HLCS: variants seen among roughly 807,000 people sequenced by gnomAD.
HLCS encodes biotin--protein ligase.
In HLCS, 53 loss-of-function variants were observed where a neutral mutation model predicts 75.0. That is an observed-to-expected ratio of 0.71 (90% confidence interval 0.57 to 0.89). The LOEUF is 0.89. HLCS is among the 40% of genes least tolerant of loss of function. HLCS has a pLI of 0.00. For synonymous variants in HLCS, 431 were observed against 428.6 expected, an observed-to-expected ratio of 1.01 and a Z score of -0.07; for missense variants, 966 against 1,074.0, an observed-to-expected ratio of 0.90 and a Z score of 1.41.
At chr21:36,977,493 C>G (rs1021049649) in intron 1 of HLCS, among the ~76,000 whole-genome samples, 3 of 152,198 alleles carry the variant, frequency 2.0e-5, no homozygotes, top group Non-Finnish European at 4.4e-5. Flanking sequence ...ACAAATGTTT[C>G]ACTTTTAAAG....
At chr21:36,781,041 C>T (rs910983241) in intron 6 of HLCS, among the ~76,000 whole-genome samples, 49 of 151,082 alleles carry the variant, frequency 3.2e-4, no homozygotes, top group Non-Finnish European at 3.1e-4. Context: ...CCACAGCTCA[C>T]GTTACCACCT....
At chr21:36,792,551 G>C (rs1274104728) in intron 6 of HLCS, among the ~76,000 whole-genome samples, 1 of 152,224 alleles carries the variant, frequency 6.6e-6, no homozygotes, top group Admixed American at 6.5e-5. Flanking sequence ...ATTGTGCTAC[G>C]TCAGTCCAGA....
chr21:36,978,707 G>C (rs774174962), intron 1 of HLCS, among the ~76,000 whole-genome samples: 2 of 152,062 alleles, frequency 1.3e-5, no homozygotes, highest in Non-Finnish European at 2.9e-5. Flanking sequence ...CTGAAGGGTC[G>C]GGAGACCCTT....
chr21:36,933,665 C>T (rs563142344), intron 4 of HLCS, among the ~76,000 whole-genome samples: 1 of 151,206 alleles, frequency 6.6e-6, no homozygotes, highest in African/African-American at 2.4e-5. Context: ...AACAGCATAG[C>T]GGCGAGACCC....
chr21:36,946,199 A>G (rs1377068579), intron 2 of HLCS: 7 of 490,500 alleles, frequency 1.4e-5, no homozygotes, highest in South Asian at 1.8e-4. Flanking sequence ...ACATTACAAC[A>G]GTTTGTGGCC....
In HLCS at chr21:36,750,287, G is replaced by C. The variant is rs2123530859; in HGVS notation, c.*3959C>G. ...TGTTGACAAAAATGCCAGATCAAAT[G>C]GATTTGAGAAATAAGCCCAATTCAA... On this transcript the variant is annotated 3_prime_UTR_variant, in exon 11 of 11. Coordinates refer to ENST00000674895, the MANE Select transcript of HLCS (RefSeq NM_001352514.2). 6.6e-6 allele frequency among the ~76,000 whole-genome samples: 1 copy of C among 152,308 alleles called. No homozygotes were observed. The highest frequency in any genetic ancestry group is 2.1e-4 in the South Asian group (1 of 4,832).
At chr21:36,913,115 C>T (rs922789505) in intron 5 of HLCS, among the ~76,000 whole-genome samples, 1 of 152,084 alleles carries the variant, frequency 6.6e-6, no homozygotes, top group African/African-American at 2.4e-5. Context: ...TCATTAGCAC[C>T]GTCCACAGCA....
intron 6 of HLCS, among the ~76,000 whole-genome samples, chr21:36,828,177 T>C (rs1394304225): frequency 2.6e-5 from 4 of 152,126 alleles, no homozygotes; most frequent in African/African-American, 9.7e-5. Context: ...ATATTTAATG[T>C]TGTTGGGTGT....
chr21:36,974,431 G>A (rs2068882678), intron 1 of HLCS: 1 of 152,212 alleles, frequency 6.6e-6, no homozygotes, highest in South Asian at 2.1e-4. Context: ...CTCCTCCCTT[G>A]GGTTCTTTTA....
intron 6 of HLCS, among the ~76,000 whole-genome samples, chr21:36,777,094 A>C (rs1048555738): frequency 6.6e-6 from 1 of 152,196 alleles, no homozygotes; most frequent in African/African-American, 2.4e-5. Context: ...TAGGACTATT[A>C]ACCACAGCTC....
At chr21:36,916,647 C>T (rs1032136229) in intron 5 of HLCS, among the ~76,000 whole-genome samples, 23 of 151,124 alleles carry the variant, frequency 1.5e-4, no homozygotes, top group African/African-American at 3.9e-4. Flanking sequence ...GCTGAGATTA[C>T]GGGCATGAGC....
intron 6 of HLCS, among the ~76,000 whole-genome samples, chr21:36,837,540 GA>G (rs2062456374): frequency 6.6e-6 from 1 of 152,118 alleles, no homozygotes; most frequent in African/African-American, 2.4e-5. Flanking sequence ...AATCAAGAGG[GA>G]ATTAATGTTA....
At chr21:36,895,095 G>C (rs1443194692) in intron 6 of HLCS, among the ~76,000 whole-genome samples, 1 of 151,930 alleles carries the variant, frequency 6.6e-6, no homozygotes, top group Admixed American at 6.6e-5. Context: ...GCCTGGCCAC[G>C]AGCTCCAGGA....
At chr21:36,805,954 G>T (rs542701527) in intron 6 of HLCS, 1 of 152,188 alleles carries the variant, frequency 6.6e-6, no homozygotes, top group Non-Finnish European at 1.5e-5. Flanking sequence ...CAGGGACAAT[G>T]GTGGCTCCTA....
rs147517312 is a variant in HLCS at position 36,756,663 on chromosome 21, G to A, written c.2329C>T (p.Pro777Ser). Residue 777 changes from proline to serine, a missense_variant, in exon 10 of 11, where the codon CCC becomes TCC. Coordinates refer to ENST00000674895, the MANE Select transcript of HLCS (RefSeq NM_001352514.2). ...GCGATGAGATAATCGGCTCTTAAGGGCTTCAGTTCTGCCTTGTGTTGTTTA... is the reference window on the plus strand; with the variant it reads ...GCGATGAGATAATCGGCTCTTAAGGACTTCAGTTCTGCCTTGTGTTGTTTA... ...YNKQHKAELK[P>S]LRADYLIARV... is the part of the protein sequence containing the mutation. 354 of 1,613,954 alleles carry A rather than the reference G, an allele frequency of 2.2e-4. No homozygotes were observed. The highest frequency in any genetic ancestry group is 3.0e-4 in the Non-Finnish European group (349 of 1,180,024).
At chr21:36,757,020 A>G in intron 9 of HLCS, 1 of 827,864 alleles carries the variant, frequency 1.2e-6, no homozygotes, top group Non-Finnish European at 1.5e-6. Context: ...GCCACATTTG[A>G]TTCAATTTAA....
chr21:36,885,430 C>T (rs921472374), intron 6 of HLCS, among the ~76,000 whole-genome samples: 2 of 151,750 alleles, frequency 1.3e-5, no homozygotes, highest in African/African-American at 4.8e-5. Context: ...ATCACTTGGG[C>T]CCAGGAAGTT....
At chr21:36,932,948 C>T (rs952495079) in intron 4 of HLCS, among the ~76,000 whole-genome samples, 1 of 152,022 alleles carries the variant, frequency 6.6e-6, no homozygotes, top group East Asian at 1.9e-4. Flanking sequence ...TGAAACCCCA[C>T]TGCCACTAAA....
At chr21:36,879,316 T>C (rs898128647) in intron 6 of HLCS, among the ~76,000 whole-genome samples, 1 of 152,160 alleles carries the variant, frequency 6.6e-6, no homozygotes, top group African/African-American at 2.4e-5. Context: ...AAAAGAAATA[T>C]GATTATTTAT....
Sources: gnomAD v4.1 joint callset for allele counts (sites outside exome capture counted in the v4.1 genomes callset) on GRCh38, gnomAD v4.1.1 for gene constraint, MANE v1.5 for transcripts, NCBI Gene and HGNC (gene_info 2026-07-23, HGNC 2026-07-21) for gene names.